Variants in SLC14A2 observed in about 807,000 individuals in gnomAD.
SLC14A2 encodes urea transporter 2.
Under a neutral mutation model 104.6 loss-of-function variants are expected in SLC14A2, and 91 were observed. That is an observed-to-expected ratio of 0.87 (90% confidence interval 0.73 to 1.04). The LOEUF (loss-of-function observed/expected upper bound fraction) is 1.04. Ranked by LOEUF, SLC14A2 falls within the 50% of genes least tolerant of loss-of-function variation. SLC14A2 has a pLI of 0.00. For missense variants in SLC14A2, 1,189 were observed against 1,156.0 expected, an observed-to-expected ratio of 1.03 and a Z score of -0.41; for synonymous variants, 476 against 466.4, an observed-to-expected ratio of 1.02 and a Z score of -0.27.
chr18:45,413,043 G>T (rs1027953405), intron 1 of SLC14A2, among the ~76,000 whole-genome samples: 1 of 152,136 alleles, frequency 6.6e-6, no homozygotes, highest in African/African-American at 2.4e-5. Context: ...CATTACTGTT[G>T]TTTTTCTGAA....
intron 1 of SLC14A2, among the ~76,000 whole-genome samples, chr18:45,282,689 A>G (rs2084774715): frequency 6.6e-6 from 1 of 152,138 alleles, no homozygotes; most frequent in East Asian, 1.9e-4. Context: ...CAAACCATAA[A>G]GATGGGATTT....
intron 1 of SLC14A2, among the ~76,000 whole-genome samples, chr18:45,459,772 TCG>T (rs2087010221): frequency 6.6e-6 from 1 of 152,206 alleles, no homozygotes; most frequent in African/African-American, 2.4e-5. Flanking sequence ...GTTTGTGGCT[TCG>T]ATCATGCCTT....
intron 2 of SLC14A2, among the ~76,000 whole-genome samples, chr18:45,564,570 C>T (rs756403833): frequency 1.3e-5 from 2 of 152,192 alleles, no homozygotes; most frequent in Non-Finnish European, 2.9e-5. Flanking sequence ...AGCTCAACTG[C>T]CCCTTAGCTA....
intron 1 of SLC14A2, among the ~76,000 whole-genome samples, chr18:45,305,437 T>C (rs1757032496): frequency 6.6e-6 from 1 of 152,242 alleles, no homozygotes; most frequent in Non-Finnish European, 1.5e-5. Flanking sequence ...TCCAGGATCC[T>C]GGACAGAATC....
chr18:45,511,346 T>G (rs9966062), intron 2 of SLC14A2, among the ~76,000 whole-genome samples: 5,431 of 152,268 alleles, frequency 0.036, 334 homozygotes, highest in African/African-American at 0.12. Flanking sequence ...AGAATTTATA[T>G]AGTAGCTTAA....
At chr18:45,543,174 C>T (rs1242488616) in intron 2 of SLC14A2, among the ~76,000 whole-genome samples, 2 of 152,014 alleles carry the variant, frequency 1.3e-5, no homozygotes, top group Non-Finnish European at 2.9e-5. Context: ...GTTTCAAACT[C>T]CTGACCTCAA....
chr18:45,579,302 C>T (rs2044457379), intron 2 of SLC14A2, among the ~76,000 whole-genome samples: 1 of 152,106 alleles, frequency 6.6e-6, no homozygotes, highest in African/African-American at 2.4e-5. Context: ...TGCAGTCTGT[C>T]ATGGGGAGGT....
chr18:45,412,040 T>C (rs1025001940), intron 1 of SLC14A2, among the ~76,000 whole-genome samples: 1 of 152,316 alleles, frequency 6.6e-6, no homozygotes, highest in East Asian at 1.9e-4. Context: ...TTAATCAGTA[T>C]CTGTCTCCCC....
At chr18:45,186,648 C>T in the SLC14A2 span, among the ~76,000 whole-genome samples, 1 of 152,134 alleles carries the variant, frequency 6.6e-6, no homozygotes, top group Non-Finnish European at 1.5e-5. Context: ...GGACAAACTG[C>T]CACTCCCAGA....
At chr18:45,384,190 C>T (rs73431952) in intron 1 of SLC14A2, among the ~76,000 whole-genome samples, 17,647 of 152,114 alleles carry the variant, frequency 0.12, 1,656 homozygotes, top group African/African-American at 0.25. Flanking sequence ...ACCACTAGGA[C>T]CTAACCCACT....
Position 45,378,937 on chromosome 18 carries a change from C to T in SLC14A2, c.-124-104296C>T, listed in dbSNP as rs576963500. ...CTCAATGCATTTTGATCAAATCAGCCTTATGGTGAAAAGATACCTGACGAA... is the reference window on the plus strand; with the variant it reads ...CTCAATGCATTTTGATCAAATCAGCTTTATGGTGAAAAGATACCTGACGAA... On this transcript the variant is annotated intron_variant, in intron 1 of 20. Coordinates refer to the SLC14A2 transcript ENST00000586448. Among the ~76,000 whole-genome samples the T allele has an allele frequency of 1.1e-3, 171 of 152,190 alleles. 1 individual carries two copies. Among genetic ancestry groups the T allele is most frequent in the African/African-American group, 4.0e-3 (167 of 41,510 alleles).
chr18:45,486,556 C>T (rs2087610159), intron 2 of SLC14A2, among the ~76,000 whole-genome samples: 1 of 152,140 alleles, frequency 6.6e-6, no homozygotes, highest in Non-Finnish European at 1.5e-5. Flanking sequence ...ATGACAAAAT[C>T]TATTAGCCAT....
chr18:45,294,224 T>G (rs1463162684), intron 1 of SLC14A2, among the ~76,000 whole-genome samples: 1 of 152,166 alleles, frequency 6.6e-6, no homozygotes, highest in Non-Finnish European at 1.5e-5. Flanking sequence ...TGGGAATATA[T>G]ATATATAGAA....
chr18:45,559,180 T>C (rs2044172009), intron 2 of SLC14A2, among the ~76,000 whole-genome samples: 1 of 152,072 alleles, frequency 6.6e-6, no homozygotes, highest in Non-Finnish European at 1.5e-5. Flanking sequence ...GGGCTCATAG[T>C]ATAAAAGAAA....
chr18:45,179,528 G>C, the SLC14A2 span, among the ~76,000 whole-genome samples: 2 of 152,136 alleles, frequency 1.3e-5, no homozygotes, highest in Non-Finnish European at 2.9e-5. Flanking sequence ...TAATGCTTTT[G>C]CCACATTGTA....
rs569450879 is a variant in SLC14A2, at chr18:45,370,795, A to G, written c.-124-112438A>G. On this transcript the variant is annotated intron_variant, in intron 1 of 20. Transcript: ENST00000586448. ...GGAGTGGGAGAGAGAGAGCGACTGG[A>G]ACACTGTCATCAGAGCGGCTGGAAT... Among the ~76,000 whole-genome samples the G allele has an allele frequency of 3.3e-5, 5 of 152,310 alleles. No homozygotes were observed. In the East Asian group the frequency reaches 9.6e-4, roughly 29 times the overall value.
chr18:45,649,749 C>G (rs964185542), intron 10 of SLC14A2, among the ~76,000 whole-genome samples: 2 of 152,252 alleles, frequency 1.3e-5, no homozygotes, highest in Admixed American at 1.3e-4. Context: ...AGTCTCTCCC[C>G]TCAGTGGTCT....
At chr18:45,415,397 G>A (rs755707587) in intron 1 of SLC14A2, among the ~76,000 whole-genome samples, 10 of 152,106 alleles carry the variant, frequency 6.6e-5, no homozygotes, top group Non-Finnish European at 1.0e-4. Flanking sequence ...GGGACTTGAT[G>A]ACATAATGAA....
chr18:45,431,971 A>G (rs370687312), intron 1 of SLC14A2, among the ~76,000 whole-genome samples: 1 of 152,306 alleles, frequency 6.6e-6, no homozygotes, highest in East Asian at 1.9e-4. Context: ...AATGGAAGGC[A>G]GTACAATGGC....
Sources: allele counts gnomAD v4.1 joint callset (sites outside exome capture counted in the v4.1 genomes callset), GRCh38; gene constraint gnomAD v4.1.1; transcripts MANE v1.5; gene names NCBI Gene and HGNC (gene_info 2026-07-23, HGNC 2026-07-21).